The following FAM117B variants were observed in gnomAD, a reference collection of about 807,000 sequenced individuals.
FAM117B encodes family with sequence similarity 117 member B.
In FAM117B, 22 loss-of-function variants were observed where a neutral mutation model predicts 52.8. The ratio of observed to expected loss-of-function variants is 0.42; its 90% CI spans 0.30 to 0.59. FAM117B has a LOEUF of 0.59. Among genes scored for constraint, FAM117B ranks in the 20% least tolerant of loss-of-function variants. The pLI, the probability that FAM117B is intolerant of heterozygous loss-of-function variation, is 0.22. For missense variants in FAM117B, 678 were observed against 802.6 expected (o/e 0.84, Z 1.88); for synonymous variants, 309 against 324.1 (o/e 0.95, Z 0.50).
intron 1 of FAM117B, among the ~76,000 whole-genome samples, chr2:202,642,777 A>G (rs1341239098): frequency 6.6e-6 from 1 of 152,204 alleles, no homozygotes; most frequent in Admixed American, 6.5e-5. Flanking sequence ...CATGTGGGCA[A>G]CACTCGAAAT....
intron 4 of FAM117B, among the ~76,000 whole-genome samples, chr2:202,731,578 C>A (rs1204798372): frequency 2.0e-5 from 3 of 149,420 alleles, no homozygotes; most frequent in African/African-American, 4.9e-5. Flanking sequence ...TTACAGGCAC[C>A]TACCACCATG....
chr2:202,634,973 G>A lies in FAM117B; in HGVS notation c.-215G>A, dbSNP rs893744138. Among the ~76,000 whole-genome samples the A allele has an allele frequency of 1.6e-4, 24 of 151,350 alleles. No individual in the cohort carries two copies. Among genetic ancestry groups the A allele is most frequent in the South Asian group, 2.1e-4 (1 of 4,810 alleles). On this transcript the variant is annotated 5_prime_UTR_variant, in exon 1 of 8. Coordinates refer to ENST00000392238, the MANE Select transcript of FAM117B (RefSeq NM_173511.4). ...ATCGTGGGGGGCGGGGGCAGCAGAG[G>A]AGACACTATTGTTGATGAGGAGCGG...
intron 4 of FAM117B, among the ~76,000 whole-genome samples, chr2:202,740,359 CAAAAAAAAAAAA>C (rs769846441): frequency 4.6e-5 from 3 of 65,582 alleles, no homozygotes; most frequent in Non-Finnish European, 9.6e-5. Context: ...GACTCTGCCT[CAAAAAAAAAAAA>C]AAAAAAAAAG....
chr2:202,639,712 A>C (rs1689737836), intron 1 of FAM117B, among the ~76,000 whole-genome samples: 1 of 152,182 alleles, frequency 6.6e-6, no homozygotes, highest in African/African-American at 2.4e-5. Context: ...GGTGAAATCT[A>C]CTTCATATGA....
chr2:202,764,026 T>C (rs1436422610), intron 7 of FAM117B, among the ~76,000 whole-genome samples: 1 of 152,216 alleles, frequency 6.6e-6, no homozygotes, highest in African/African-American at 2.4e-5. Flanking sequence ...TCTTCTGTGC[T>C]GTGGACAGCT....
intron 2 of FAM117B, among the ~76,000 whole-genome samples, chr2:202,707,239 C>G (rs13010214): frequency 0.89 from 134,167 of 150,482 alleles, 59,923 homozygotes; most frequent in African/African-American, 0.93. Flanking sequence ...TGTAGAGATG[C>G]GGGCCTTACT....
intron 1 of FAM117B, among the ~76,000 whole-genome samples, chr2:202,653,570 T>C (rs553490145): frequency 6.6e-6 from 1 of 152,290 alleles, no homozygotes; most frequent in African/African-American, 2.4e-5. Context: ...TTTGTCTGTC[T>C]TGAAAACTAT....
At chr2:202,740,232 C>T (rs1264983879) in intron 4 of FAM117B, among the ~76,000 whole-genome samples, 1 of 107,178 alleles carries the variant, frequency 9.3e-6, no homozygotes, top group Non-Finnish European at 1.8e-5. Flanking sequence ...TGGTGGCAAA[C>T]ACCTTTAATC....
At chr2:202,655,741 A>AGAGG (rs1690044712) in intron 1 of FAM117B, among the ~76,000 whole-genome samples, 1 of 135,216 alleles carries the variant, frequency 7.4e-6, no homozygotes, top group Non-Finnish European at 1.5e-5. Context: ...AGAGAGAGAG[A>AGAGG]GAGAGAGAGA....
chr2:202,747,261 A>G (rs1691648701), intron 4 of FAM117B, among the ~76,000 whole-genome samples: 1 of 152,192 alleles, frequency 6.6e-6, no homozygotes, highest in South Asian at 2.1e-4. Flanking sequence ...CAAATTAGGC[A>G]TAGAAGGAAA....
rs909777116 is a variant in FAM117B at position 202,767,503 on chromosome 2, T to G, written c.*1739T>G. Reference sequence around the variant, plus strand: ...AAAAGTGAGTTTCAGCAAACAGTATTGAATAAAAGCATCCTTTTCATATCT... The same window carrying G: ...AAAAGTGAGTTTCAGCAAACAGTATGGAATAAAAGCATCCTTTTCATATCT... On this transcript the variant is annotated 3_prime_UTR_variant, in exon 8 of 8. Transcript: ENST00000392238. The G allele has an allele frequency of 6.6e-6, 1 of 152,180 alleles. No individual in the cohort carries two copies. Among genetic ancestry groups the G allele is most frequent in the Non-Finnish European group, 1.5e-5 (1 of 68,036 alleles). 9.4% of individuals were successfully genotyped at this position (152,180 alleles called of 1,614,324 possible). A position where few individuals can be genotyped will look rare whatever the true frequency, so the allele number is the denominator to read the frequency against.
At chr2:202,736,140 A>G (rs1009832001) in intron 4 of FAM117B, among the ~76,000 whole-genome samples, 5 of 152,210 alleles carry the variant, frequency 3.3e-5, no homozygotes, top group Admixed American at 6.5e-5. Context: ...TAATTTGAAA[A>G]TGAAAATTAC....
At chr2:202,759,209 A>G in intron 6 of FAM117B, 24 bp from the exon 7 acceptor site, 2 of 1,613,062 alleles carry the variant, frequency 1.2e-6, no homozygotes, top group Non-Finnish European at 1.7e-6. Context: ...TTTATGTAGT[A>G]ATCTAATGTG....
At chr2:202,688,370 T>C (rs916493281) in intron 1 of FAM117B, among the ~76,000 whole-genome samples, 1 of 152,208 alleles carries the variant, frequency 6.6e-6, no homozygotes, top group Non-Finnish European at 1.5e-5. Context: ...ATTTTGCGTT[T>C]CCTTCGTGTG....
intron 4 of FAM117B, among the ~76,000 whole-genome samples, chr2:202,731,880 C>T (rs571720761): frequency 5.3e-5 from 8 of 152,176 alleles, no homozygotes; most frequent in African/African-American, 1.4e-4. Context: ...GGATTACAGG[C>T]GTGTGCTACC....
intron 1 of FAM117B, among the ~76,000 whole-genome samples, chr2:202,687,547 CT>C (rs1690560387): frequency 6.6e-6 from 1 of 152,122 alleles, no homozygotes. Context: ...GTAGCTGGGA[CT>C]ACAGGCACAT....
rs562029572 is a variant in FAM117B at position 202,656,521 on chromosome 2, T to C, written c.601+20733T>C. ...TTAAATATTTTGGGATTTTTCCAGA[T>C]AGCTTTCTTGTATTGATTTTTAAAT... On this transcript the variant is annotated intron_variant, in intron 1 of 7. Coordinates refer to ENST00000392238, the MANE Select transcript of FAM117B (RefSeq NM_173511.4). Among the ~76,000 whole-genome samples, 81 of 152,338 alleles carry C rather than the reference T, an allele frequency of 5.3e-4. 1 individual carries two copies. Among genetic ancestry groups the C allele is most frequent in the African/African-American group, 1.9e-3 (81 of 41,590 alleles).
At chr2:202,658,440 C>T (rs1690082452) in intron 1 of FAM117B, among the ~76,000 whole-genome samples, 1 of 151,986 alleles carries the variant, frequency 6.6e-6, no homozygotes, top group African/African-American at 2.4e-5. Context: ...AGTCCTGGGA[C>T]TACAGGCATG....
chr2:202,702,066 G>A (rs149618805), intron 2 of FAM117B, among the ~76,000 whole-genome samples: 5 of 152,294 alleles, frequency 3.3e-5, no homozygotes, highest in Admixed American at 1.3e-4. Context: ...ACCTGAGTCC[G>A]TTGATGCAGC....
Sources: gnomAD v4.1 joint callset for allele counts (sites outside exome capture counted in the v4.1 genomes callset) on GRCh38, gnomAD v4.1.1 for gene constraint, MANE v1.5 for transcripts, NCBI Gene and HGNC (gene_info 2026-07-23, HGNC 2026-07-21) for gene names.